SPECC1: variants seen among roughly 807,000 people sequenced by gnomAD.
SPECC1 encodes the protein cytospin-B.
Under a neutral mutation model 104.1 loss-of-function variants are expected in SPECC1, and 62 were observed. The ratio of observed to expected loss-of-function variants is 0.60; its 90% confidence interval spans 0.49 to 0.74. The LOEUF (loss-of-function observed/expected upper bound fraction) is 0.74, where lower values mean the gene tolerates loss of function less well. Ranked by LOEUF, SPECC1 falls within the 30% of genes least tolerant of loss-of-function variation. The pLI is 0.00. For synonymous variants in SPECC1, 513 were observed against 501.6 expected (o/e 1.02, Z -0.30); for missense variants, 1,306 against 1,310.5 (o/e 1.00, Z 0.05).
intron 1 of SPECC1, among the ~76,000 whole-genome samples, chr17:20,040,649 A>T (rs146182726): frequency 1.7e-4 from 26 of 152,256 alleles, no homozygotes; most frequent in African/African-American, 6.0e-4. Flanking sequence ...CCATTGTGTC[A>T]TTTCCTTCTG....
chr17:20,051,389 G>C (rs2045771794), intron 1 of SPECC1, among the ~76,000 whole-genome samples: 1 of 152,016 alleles, frequency 6.6e-6, no homozygotes, highest in African/African-American at 2.4e-5. Flanking sequence ...TGGCCAGGCT[G>C]GTCTTGAACT....
Position 20,316,494 on chromosome 17 carries a change from G to A in SPECC1, c.*2429G>A, listed in dbSNP as rs566022831. The A allele has an allele frequency of 1.3e-4, 25 of 189,432 alleles. No homozygotes were observed. Among genetic ancestry groups the A allele is most frequent in the African/African-American group, 5.1e-4 (22 of 42,894 alleles). The allele number at this position is 189,432 out of a possible 1,614,324, so 11.7% of individuals were successfully genotyped here. A position where few individuals can be genotyped will look rare whatever the true frequency, so the allele number is the denominator to read the frequency against. ...CGATTCTCCTGCCTCAGCCTCCCAT[G>A]TGGCTGGGATTACAGGTGCCCATCA... is the stretch of plus-strand genomic sequence containing the variant. On this transcript the variant is annotated 3_prime_UTR_variant, in exon 15 of 15. Transcript: ENST00000395527.
chr17:20,219,467 G>C (rs2151424053), intron 4 of SPECC1, among the ~76,000 whole-genome samples: 2 of 152,226 alleles, frequency 1.3e-5, no homozygotes, highest in Middle Eastern at 3.4e-3. Flanking sequence ...TTTGCCATTT[G>C]TATGTCTTTA....
In SPECC1 at chr17:20,205,115, TCTA is replaced by T. The variant is rs1256793815; in HGVS notation, c.1069_1071del (p.Thr357del). On this transcript the variant is annotated inframe_deletion, in exon 4 of 15. Coordinates refer to ENST00000395527, the MANE Select transcript of SPECC1 (RefSeq NM_001243439.2). Reference sequence around the variant, plus strand: ...TAACCCCTTTAAGAGTTCAAAGTGTTCTACTGCTGGGAGTTCCCCAAACAGCGT... The same window carrying T: ...TAACCCCTTTAAGAGTTCAAAGTGTTCTGCTGGGAGTTCCCCAAACAGCGT... 1.2e-6 allele frequency: 2 copies of T among 1,614,162 alleles called. No homozygotes were observed. The highest frequency in any genetic ancestry group is 1.7e-6 in the Non-Finnish European group (2 of 1,180,030).
intron 1 of SPECC1, among the ~76,000 whole-genome samples, chr17:20,028,655 A>C (rs1383390464): frequency 6.6e-6 from 1 of 150,968 alleles, no homozygotes; most frequent in East Asian, 2.0e-4. Flanking sequence ...GTCATCCTAT[A>C]TTTTGTTCGT....
At chr17:20,232,070 G>A (rs571807276) in intron 6 of SPECC1, 130 bp from the exon 7 acceptor site, 16 of 1,108,678 alleles carry the variant, frequency 1.4e-5, no homozygotes, top group East Asian at 4.7e-5. Context: ...GTGAGCCACC[G>A]TGTAAGCAGG....
At chr17:20,219,967 G>A (rs1052718969) in intron 4 of SPECC1, among the ~76,000 whole-genome samples, 3 of 151,980 alleles carry the variant, frequency 2.0e-5, no homozygotes, top group African/African-American at 7.3e-5. Flanking sequence ...TGGCACCTTT[G>A]TCGAAAATGA....
intron 1 of SPECC1, among the ~76,000 whole-genome samples, chr17:20,060,532 A>G (rs1468845626): frequency 6.6e-6 from 1 of 152,212 alleles, no homozygotes; most frequent in Non-Finnish European, 1.5e-5. Flanking sequence ...AAAAAACAAT[A>G]GAGGACTCTG....
intron 13 of SPECC1, chr17:20,305,732 A>G (rs1438246736): frequency 3.1e-6 from 1 of 319,660 alleles, no homozygotes; most frequent in Non-Finnish European, 5.8e-6. Flanking sequence ...TTGTTATGCA[A>G]CAGAATGTTT....
chr17:20,270,085 G>A (rs1278443353), intron 12 of SPECC1, among the ~76,000 whole-genome samples: 1 of 152,102 alleles, frequency 6.6e-6, no homozygotes, highest in Non-Finnish European at 1.5e-5. Flanking sequence ...AAGCAGATGA[G>A]CGGTTGCCAG....
chr17:20,021,917 A>G (rs1031334678), intron 1 of SPECC1, among the ~76,000 whole-genome samples: 2 of 148,156 alleles, frequency 1.3e-5, no homozygotes, highest in African/African-American at 2.5e-5. Flanking sequence ...TTATTTATTT[A>G]CTATTTATTA....
intron 12 of SPECC1, among the ~76,000 whole-genome samples, chr17:20,272,020 A>G (rs2040425503): frequency 6.6e-6 from 1 of 152,094 alleles, no homozygotes; most frequent in African/African-American, 2.4e-5. Flanking sequence ...GCAAAAGCTC[A>G]TAGGAGGTTC....
chr17:20,021,443 C>T (rs922925049), intron 1 of SPECC1, among the ~76,000 whole-genome samples: 4 of 152,014 alleles, frequency 2.6e-5, no homozygotes, highest in Admixed American at 6.6e-5. Context: ...TGTAGATGGA[C>T]ACCCAGGTTG....
At chr17:20,299,554 T>TC (rs1229423920) in intron 13 of SPECC1, among the ~76,000 whole-genome samples, 42 of 51,368 alleles carry the variant, frequency 8.2e-4, no homozygotes, top group African/African-American at 5.6e-3. Flanking sequence ...AGACCCTGTC[T>TC]CAAAAAAAAA....
chr17:20,152,460 T>TA (rs1164480988), intron 3 of SPECC1, among the ~76,000 whole-genome samples: 1 of 133,694 alleles, frequency 7.5e-6, no homozygotes, highest in Non-Finnish European at 1.8e-5. Context: ...TCAGCTGCCA[T>TA]AACCAATTGC....
chr17:20,213,019 T>TA (rs1209990399), intron 4 of SPECC1, among the ~76,000 whole-genome samples: 1 of 152,216 alleles, frequency 6.6e-6, no homozygotes, highest in East Asian at 1.9e-4. Flanking sequence ...CAGAATGATT[T>TA]AAGTTATTAG....
At chr17:20,263,178 G>A (rs2040090062) in intron 12 of SPECC1, among the ~76,000 whole-genome samples, 2 of 149,618 alleles carry the variant, frequency 1.3e-5, no homozygotes, top group African/African-American at 4.9e-5. Context: ...CATCAGCCAC[G>A]CTGCCGAGGA....
At chr17:20,078,132 C>A (rs1035308311) in intron 1 of SPECC1, among the ~76,000 whole-genome samples, 1 of 150,550 alleles carries the variant, frequency 6.6e-6, no homozygotes, top group African/African-American at 2.4e-5. Flanking sequence ...ACATGTCATT[C>A]TTTCCCTCTA....
chr17:20,263,201 TAAG>T (rs1449562951), intron 12 of SPECC1, among the ~76,000 whole-genome samples: 2 of 148,722 alleles, frequency 1.3e-5, no homozygotes, highest in Admixed American at 1.3e-4. Context: ...CGGGAAAGAA[TAAG>T]AAGCCATAAG....
Sources: gnomAD v4.1 joint callset for allele counts (sites outside exome capture counted in the v4.1 genomes callset) on GRCh38, gnomAD v4.1.1 for gene constraint, MANE v1.5 for transcripts, NCBI Gene and HGNC (gene_info 2026-07-23, HGNC 2026-07-21) for gene names.